Variants in LRRFIP1 observed in about 807,000 individuals in gnomAD.
LRRFIP1 encodes the protein LRR binding FLII interacting protein 1, also known as leucine-rich repeat flightless-interacting protein 1.
In LRRFIP1, 62 loss-of-function variants were observed where a neutral mutation model predicts 104.4. The ratio of observed to expected loss-of-function variants is 0.59; its 90% CI spans 0.48 to 0.73. The LOEUF (loss-of-function observed/expected upper bound fraction) is 0.73. Among genes scored for constraint, LRRFIP1 ranks in the 30% least tolerant of loss-of-function variants. LRRFIP1 has a pLI of 0.00. For synonymous variants in LRRFIP1, 300 were observed against 299.0 expected, an observed-to-expected ratio of 1.00 and a Z score of -0.03; for missense variants, 796 against 824.5, an observed-to-expected ratio of 0.97 and a Z score of 0.42.
chr2:237,656,402 C>A lies in LRRFIP1; in HGVS notation c.96+28662C>A, dbSNP rs142644055. Among the ~76,000 whole-genome samples, 490 of 152,282 alleles carry A rather than the reference C, an allele frequency of 3.2e-3. 3 individuals carry two copies. The highest frequency in any genetic ancestry group is 5.3e-3 in the Non-Finnish European group (359 of 68,018). The stretch of plus-strand genomic sequence containing the variant: ...CCAAATCATATGTATGCATTTGTTT[C>A]TGCCCAATTTGTGAAATATATGGTT... On this transcript the variant is annotated intron_variant, in intron 1 of 23. Transcript: ENST00000308482.
chr2:237,723,355 G>A (rs1559677415), intron 6 of LRRFIP1, among the ~76,000 whole-genome samples, 193 bp from the exon 7 acceptor site: 1 of 152,096 alleles, frequency 6.6e-6, no homozygotes, highest in Non-Finnish European at 1.5e-5. Flanking sequence ...GAATGCTACT[G>A]GATTCTGTGG....
At chr2:237,670,004 CA>C (rs1411093768) in intron 1 of LRRFIP1, among the ~76,000 whole-genome samples, 1 of 152,208 alleles carries the variant, frequency 6.6e-6, no homozygotes, top group African/African-American at 2.4e-5. Flanking sequence ...TAATGAAAAC[CA>C]GCTGGGAAGA....
At chr2:237,768,232 T>A (rs922671936) in intron 19 of LRRFIP1, 2 of 152,232 alleles carry the variant, frequency 1.3e-5, no homozygotes, top group Admixed American at 6.5e-5. Context: ...CTTGTCCAAG[T>A]CTCCTTTAGA....
chr2:237,763,803 A>G, intron 19 of LRRFIP1: 1 of 1,614,210 alleles, frequency 6.2e-7, no homozygotes, highest in Non-Finnish European at 8.5e-7. Flanking sequence ...GAAGAATTAG[A>G]TGAAGGTGTT....
rs1254452206 is a variant in LRRFIP1, at chr2:237,780,269, A to G, written c.*737A>G. 6.6e-6 allele frequency: 1 copy of G among 152,224 alleles called. No individual in the cohort carries two copies. Among genetic ancestry groups the G allele is most frequent in the South Asian group, 2.1e-4 (1 of 4,832 alleles). The allele number at this position is 152,224 out of a possible 1,614,324, so 9.4% of individuals were successfully genotyped here. ...AATTGAAGTCGTTAACTTCTTTTAA[A>G]GAATGTACTATTAGAAAAATTAAAA... On this transcript the variant is annotated 3_prime_UTR_variant, in exon 24 of 24. Transcript: ENST00000308482.
Position 237,629,091 on chromosome 2 carries a change from C to G in LRRFIP1, c.96+1351C>G, listed in dbSNP as rs550128219. 2.0e-5 allele frequency among the ~76,000 whole-genome samples: 3 copies of G among 152,300 alleles called. No individual in the cohort carries two copies. The South Asian group carries it at 6.2e-4, about 32-fold the overall frequency. On this transcript the variant is annotated intron_variant, in intron 1 of 23. Coordinates refer to ENST00000308482, the MANE Select transcript of LRRFIP1 (RefSeq NM_001137550.2). Reference sequence around the variant, plus strand: ...AGGATACCTTATCATTATTTGTCCACCTGTAGAAGGTGACACCCAGACAGG... The same window carrying G: ...AGGATACCTTATCATTATTTGTCCAGCTGTAGAAGGTGACACCCAGACAGG...
At chr2:237,767,216 A>G (rs2060301494) in intron 19 of LRRFIP1, among the ~76,000 whole-genome samples, 1 of 152,168 alleles carries the variant, frequency 6.6e-6, no homozygotes, top group African/African-American at 2.4e-5. Context: ...TGACTTAGCT[A>G]TACTCCATAT....
At chr2:237,758,880 A>G (rs935902612) in intron 18 of LRRFIP1, 59 bp downstream of exon 18, 4 of 1,312,896 alleles carry the variant, frequency 3.0e-6, no homozygotes, top group Non-Finnish European at 4.3e-6. Flanking sequence ...AGGTGACAAC[A>G]GCAAATTTTG....
chr2:237,668,519 G>T (rs369487314), intron 1 of LRRFIP1, among the ~76,000 whole-genome samples: 1 of 152,134 alleles, frequency 6.6e-6, no homozygotes, highest in Non-Finnish European at 1.5e-5. Context: ...GGCACCAGGG[G>T]CCTCTTAGCC....
At chr2:237,630,123 C>A (rs1231153183) in intron 1 of LRRFIP1, among the ~76,000 whole-genome samples, 2 of 152,160 alleles carry the variant, frequency 1.3e-5, no homozygotes, top group African/African-American at 4.8e-5. Context: ...TAAAACCCAG[C>A]CGTAGGTGCA....
intron 6 of LRRFIP1, among the ~76,000 whole-genome samples, 166 bp from the exon 7 acceptor site, chr2:237,723,382 A>T (rs1370168313): frequency 6.6e-6 from 1 of 152,200 alleles, no homozygotes; most frequent in Non-Finnish European, 1.5e-5. Context: ...CCATTCTGAC[A>T]TAATTCTTTT....
At chr2:237,746,069 T>A (rs1305608557) in intron 11 of LRRFIP1, among the ~76,000 whole-genome samples, 1 of 150,730 alleles carries the variant, frequency 6.6e-6, no homozygotes, top group Admixed American at 6.6e-5. Context: ...TTTATTTTTT[T>A]TTTTTTTGAG....
intron 12 of LRRFIP1, among the ~76,000 whole-genome samples, 183 bp downstream of exon 12, chr2:237,748,582 C>T (rs1162325072): frequency 6.6e-6 from 1 of 151,936 alleles, no homozygotes. Flanking sequence ...GTCCGGTGTG[C>T]GTTAGATCCT....
chr2:237,749,379 C>A, intron 13 of LRRFIP1, 55 bp downstream of exon 13: 3 of 1,572,324 alleles, frequency 1.9e-6, no homozygotes, highest in Admixed American at 1.9e-5. Flanking sequence ...AAAAATCAGT[C>A]TTTAGATTAA....
At chr2:237,765,387 G>T (rs1285228351) in intron 19 of LRRFIP1, 1 of 698,082 alleles carries the variant, frequency 1.4e-6, no homozygotes, top group Non-Finnish European at 1.7e-6. Context: ...AGTGAGCTAT[G>T]ATTGCACACT....
rs760487123 is a variant in LRRFIP1 at position 237,779,482 on chromosome 2, C to T, written c.1873C>T (p.Arg625Cys). 1.2e-6 allele frequency: 2 copies of T among 1,613,790 alleles called. No homozygotes were observed. Among genetic ancestry groups the T allele is most frequent in the East Asian group, 2.2e-5 (1 of 44,880 alleles). The change falls in exon 24 of 24, where the codon CGT becomes TGT. Residue 625 changes from arginine to cysteine, a missense_variant. By Grantham distance (180) the Arg-to-Cys change is radical. Coordinates refer to ENST00000308482, the MANE Select transcript of LRRFIP1 (RefSeq NM_001137550.2). Reference protein sequence around the residue: ...LEVSNGHLVKRLEKMKANRSA... With the variant: ...LEVSNGHLVKCLEKMKANRSA... Reference sequence around the variant, plus strand: ...GGTGAGCAACGGCCACTTAGTGAAGCGTCTGGAAAAAATGAAAGCAAATCG... The same window carrying T: ...GGTGAGCAACGGCCACTTAGTGAAGTGTCTGGAAAAAATGAAAGCAAATCG...
intron 1 of LRRFIP1, among the ~76,000 whole-genome samples, chr2:237,702,880 C>T (rs1335986253): frequency 6.6e-6 from 1 of 152,166 alleles, no homozygotes; most frequent in Non-Finnish European, 1.5e-5. Flanking sequence ...CAATTGTTAG[C>T]TTATAGCCGT....
intron 1 of LRRFIP1, among the ~76,000 whole-genome samples, chr2:237,682,190 T>C (rs1172904853): frequency 6.6e-6 from 1 of 152,174 alleles, no homozygotes; most frequent in African/African-American, 2.4e-5. Context: ...GCCCCTTGTT[T>C]TGCGGGAAAA....
At chr2:237,727,414 C>T (rs137939890) in intron 7 of LRRFIP1, among the ~76,000 whole-genome samples, 3 of 151,578 alleles carry the variant, frequency 2.0e-5, no homozygotes, top group African/African-American at 7.3e-5. Context: ...CCCATAGCAT[C>T]ACAATGTGCC....
Sources: gnomAD v4.1 joint callset for allele counts (sites outside exome capture counted in the v4.1 genomes callset) on GRCh38, gnomAD v4.1.1 for gene constraint, MANE v1.5 for transcripts, NCBI Gene and HGNC (gene_info 2026-07-23, HGNC 2026-07-21) for gene names.